SLC24A2: variants seen among roughly 807,000 people sequenced by gnomAD.
SLC24A2 encodes the protein sodium/potassium/calcium exchanger 2.
SLC24A2 carries 36 observed loss-of-function variants against 62.0 expected under a neutral mutation model. The ratio of observed to expected loss-of-function variants is 0.58; its 90% CI spans 0.44 to 0.77. The LOEUF is 0.77. Among genes scored for constraint, SLC24A2 ranks in the 30% least tolerant of loss-of-function variants. SLC24A2 has a pLI of 0.00. For synonymous variants in SLC24A2, 358 were observed against 294.0 expected, an observed-to-expected ratio of 1.22 and a Z score of -2.23; for missense variants, 846 against 817.9, an observed-to-expected ratio of 1.03 and a Z score of -0.42.
chr9:19,864,500 G>A, the SLC24A2 span, among the ~76,000 whole-genome samples: 974 of 152,156 alleles, frequency 6.4e-3, 17 homozygotes, highest in African/African-American at 0.021. Flanking sequence ...TCATGACCAA[G>A]TAGAATTTAT....
At chr9:20,076,311 G>C in the SLC24A2 span, among the ~76,000 whole-genome samples, 1 of 152,134 alleles carries the variant, frequency 6.6e-6, no homozygotes, top group Admixed American at 6.5e-5. Context: ...GTTTATAAAA[G>C]TCACCCATCT....
chr9:19,916,819 C>A, the SLC24A2 span, among the ~76,000 whole-genome samples: 1 of 151,678 alleles, frequency 6.6e-6, no homozygotes, highest in East Asian at 1.9e-4. Flanking sequence ...TCTTTTTGTG[C>A]ATGTTTAACA....
intron 6 of SLC24A2, among the ~76,000 whole-genome samples, 178 bp from the exon 7 acceptor site, chr9:19,573,647 G>A (rs903300057): frequency 2.0e-5 from 3 of 152,014 alleles, no homozygotes; most frequent in African/African-American, 4.8e-5. Flanking sequence ...TCCCAGGGGC[G>A]ATAAGGCCCA....
At chr9:20,244,367 C>T in the SLC24A2 span, among the ~76,000 whole-genome samples, 3 of 152,114 alleles carry the variant, frequency 2.0e-5, no homozygotes, top group South Asian at 6.2e-4. Context: ...GGAACATTAT[C>T]AGAAAGACAG....
the SLC24A2 span, among the ~76,000 whole-genome samples, chr9:20,150,542 G>A: frequency 6.9e-6 from 1 of 145,590 alleles, no homozygotes; most frequent in African/African-American, 2.8e-5. Flanking sequence ...AATTTCCTAT[G>A]CCCACCAAGG....
chr9:20,139,008 C>T, the SLC24A2 span, among the ~76,000 whole-genome samples: 28 of 152,336 alleles, frequency 1.8e-4, no homozygotes, highest in Admixed American at 1.6e-3. Context: ...CTCCTCCCCG[C>T]CTCATGGTCA....
the SLC24A2 span, among the ~76,000 whole-genome samples, chr9:20,101,857 C>G: frequency 6.6e-6 from 1 of 152,114 alleles, no homozygotes; most frequent in South Asian, 2.1e-4. Context: ...GAAACTGTGC[C>G]CTTACCATTG....
intron 2 of SLC24A2, among the ~76,000 whole-genome samples, chr9:19,681,372 T>C (rs939282257): frequency 2.6e-5 from 4 of 152,144 alleles, no homozygotes; most frequent in African/African-American, 9.7e-5. Flanking sequence ...ACCGCAGAAC[T>C]CCCTATCTCT....
chr9:20,291,262 T>C, the SLC24A2 span, among the ~76,000 whole-genome samples: 1 of 151,350 alleles, frequency 6.6e-6, no homozygotes. Context: ...AAAAACAGAG[T>C]GCCAAGGGAT....
At chr9:20,024,031 T>C in the SLC24A2 span, among the ~76,000 whole-genome samples, 6 of 152,202 alleles carry the variant, frequency 3.9e-5, no homozygotes, top group Admixed American at 3.3e-4. Flanking sequence ...ACGGAAACGC[T>C]TTCCCATTTT....
chr9:19,851,721 A>G, the SLC24A2 span, among the ~76,000 whole-genome samples: 3 of 152,178 alleles, frequency 2.0e-5, no homozygotes, highest in African/African-American at 7.2e-5. Context: ...TAAAAAATCC[A>G]GTTAATCATT....
At chr9:19,552,612 T>C (rs1834900310) in intron 7 of SLC24A2, among the ~76,000 whole-genome samples, 1 of 152,096 alleles carries the variant, frequency 6.6e-6, no homozygotes. Context: ...GATTGATGCC[T>C]CCCCCTAGCT....
the SLC24A2 span, among the ~76,000 whole-genome samples, chr9:19,843,987 C>G: frequency 2.0e-5 from 3 of 152,244 alleles, no homozygotes; most frequent in South Asian, 4.2e-4. Flanking sequence ...AGTGAACGTA[C>G]GAGTGCATGT....
At chr9:20,128,947 T>A in the SLC24A2 span, among the ~76,000 whole-genome samples, 1 of 152,012 alleles carries the variant, frequency 6.6e-6, no homozygotes, top group African/African-American at 2.4e-5. Context: ...TAAAATGGAC[T>A]TCAAAAGTAA....
chr9:20,071,350 C>G, the SLC24A2 span, among the ~76,000 whole-genome samples: 1 of 152,148 alleles, frequency 6.6e-6, no homozygotes, highest in Non-Finnish European at 1.5e-5. Flanking sequence ...TTCAGGGTTT[C>G]CATTCATTTC....
chr9:19,761,354 A>C (rs1822319423), intron 2 of SLC24A2, among the ~76,000 whole-genome samples: 1 of 152,156 alleles, frequency 6.6e-6, no homozygotes, highest in African/African-American at 2.4e-5. Flanking sequence ...TCACCATTCT[A>C]AGTGGCGTGA....
chr9:19,850,956 T>C, the SLC24A2 span, among the ~76,000 whole-genome samples: 14 of 25,464 alleles, frequency 5.5e-4, 1 homozygote, highest in Admixed American at 2.5e-3. Context: ...CATATATATA[T>C]ATATATATAT....
the SLC24A2 span, among the ~76,000 whole-genome samples, chr9:20,065,388 A>G: frequency 3.7e-3 from 564 of 152,332 alleles, 3 homozygotes; most frequent in Non-Finnish European, 4.6e-3. Flanking sequence ...GGCAGAGGAC[A>G]GAGTAAAAAT....
At chr9:19,577,781 C>T (rs1836068991) in intron 5 of SLC24A2, among the ~76,000 whole-genome samples, 1 of 150,940 alleles carries the variant, frequency 6.6e-6, no homozygotes, top group African/African-American at 2.4e-5. Context: ...GTGGAACTAA[C>T]CCAAATGGCC....
Sources: gnomAD v4.1 joint callset for allele counts (sites outside exome capture counted in the v4.1 genomes callset) on GRCh38, gnomAD v4.1.1 for gene constraint, MANE v1.5 for transcripts, NCBI Gene and HGNC (gene_info 2026-07-23, HGNC 2026-07-21) for gene names.